Variants in NTM observed in about 807,000 individuals in gnomAD.
The protein encoded by NTM is IgLON family member 2.
Under a neutral mutation model 42.1 loss-of-function variants are expected in NTM, and 13 were observed. The observed-to-expected ratio is 0.31, with a 90% CI of 0.20 to 0.49. The LOEUF (loss-of-function observed/expected upper bound fraction) is 0.49, where lower values mean the gene tolerates loss of function less well. NTM is among the 20% of genes least tolerant of loss of function. The pLI is 0.99. For synonymous variants in NTM, 187 were observed against 179.2 expected, an observed-to-expected ratio of 1.04 and a Z score of -0.35; for missense variants, 373 against 452.8, an observed-to-expected ratio of 0.82 and a Z score of 1.60.
chr11:132,203,253 A>G (rs1440302828), intron 3 of NTM, among the ~76,000 whole-genome samples: 5 of 152,062 alleles, frequency 3.3e-5, no homozygotes, highest in South Asian at 2.1e-4. Context: ...AAAAATCTCT[A>G]TTTCTCTTCG....
At chr11:132,256,810 C>A (rs1025957299) in intron 4 of NTM, among the ~76,000 whole-genome samples, 2 of 152,310 alleles carry the variant, frequency 1.3e-5, no homozygotes, top group Middle Eastern at 6.8e-3. Flanking sequence ...GCGATTCCAG[C>A]CGCAGGAGAG....
At chr11:131,509,082 C>G (rs995697136) in intron 1 of NTM, among the ~76,000 whole-genome samples, 3 of 152,138 alleles carry the variant, frequency 2.0e-5, no homozygotes, top group Non-Finnish European at 2.9e-5. Flanking sequence ...AGTTAATACT[C>G]AACCCCAAAA....
chr11:132,224,050 A>G (rs2085691255), intron 4 of NTM, among the ~76,000 whole-genome samples: 1 of 152,246 alleles, frequency 6.6e-6, no homozygotes, highest in African/African-American at 2.4e-5. Context: ...GAGAGGGCGG[A>G]GCAACATTGC....
At chr11:131,642,339 A>T (rs1361212459) in intron 1 of NTM, among the ~76,000 whole-genome samples, 4 of 152,212 alleles carry the variant, frequency 2.6e-5, no homozygotes. Flanking sequence ...TGGAAACTGG[A>T]GAGAGATCCA....
chr11:132,030,324 C>T (rs533975435), intron 2 of NTM, among the ~76,000 whole-genome samples: 3 of 152,274 alleles, frequency 2.0e-5, no homozygotes, highest in South Asian at 2.1e-4. Context: ...AAAATCATCT[C>T]GTATATCACT....
intron 1 of NTM, among the ~76,000 whole-genome samples, chr11:131,623,506 C>T (rs1177492048): frequency 6.6e-6 from 1 of 152,236 alleles, no homozygotes; most frequent in African/African-American, 2.4e-5. Context: ...AAAGTATTTC[C>T]ATTTTAAAAT....
In NTM at chr11:132,335,027, G is replaced by A. The variant is rs769488958; in HGVS notation, c.968-19G>A. The A allele has an allele frequency of 2.7e-5, 44 of 1,608,956 alleles. No homozygotes were observed. The highest frequency in any genetic ancestry group is 2.0e-4 in the Admixed American group (12 of 59,842). On this transcript the variant is annotated intron_variant, in intron 8 of 8. Coordinates refer to ENST00000683400, the MANE Select transcript of NTM (RefSeq NM_001352005.2). The stretch of plus-strand genomic sequence containing the variant: ...CATTTTCTCCCAGACCACTCACGGC[G>A]AGTGTGTTCTCTCCACAGGTCCAGG...
At chr11:132,076,653 G>A (rs951647822) in intron 2 of NTM, among the ~76,000 whole-genome samples, 21 of 152,276 alleles carry the variant, frequency 1.4e-4, no homozygotes, top group African/African-American at 4.6e-4. Flanking sequence ...TTTGTAGGGG[G>A]TAATATGGGA....
At chr11:131,598,705 T>TTC (rs2060054816) in intron 1 of NTM, among the ~76,000 whole-genome samples, 1 of 41,786 alleles carries the variant, frequency 2.4e-5, no homozygotes, top group Non-Finnish European at 7.0e-5. Context: ...CTTTCTTTCT[T>TTC]TCTTTCTTTC....
chr11:132,006,911 A>G (rs1024877359), intron 2 of NTM, among the ~76,000 whole-genome samples: 1 of 152,210 alleles, frequency 6.6e-6, no homozygotes, highest in Admixed American at 6.5e-5. Flanking sequence ...GGAGAAGAAC[A>G]TTGACTAGTG....
chr11:131,680,104 C>A (rs1185731098), intron 1 of NTM, among the ~76,000 whole-genome samples: 1 of 152,056 alleles, frequency 6.6e-6, no homozygotes, highest in Non-Finnish European at 1.5e-5. Flanking sequence ...AAGATGTGAA[C>A]CCAGACAAAG....
intron 1 of NTM, among the ~76,000 whole-genome samples, chr11:131,785,669 G>C (rs1324170606): frequency 6.6e-6 from 1 of 152,190 alleles, no homozygotes; most frequent in Admixed American, 6.5e-5. Context: ...CAAAGACACT[G>C]TTCTTGTACC....
At chr11:131,729,299 T>C (rs369108824) in intron 1 of NTM, among the ~76,000 whole-genome samples, 2 of 152,160 alleles carry the variant, frequency 1.3e-5, no homozygotes, top group African/African-American at 4.8e-5. Flanking sequence ...TGAGAAATAT[T>C]GGTACAGTGC....
At chr11:132,322,369 G>T (rs1247728489) in intron 7 of NTM, among the ~76,000 whole-genome samples, 8 of 148,742 alleles carry the variant, frequency 5.4e-5, no homozygotes, top group African/African-American at 1.7e-4. Context: ...AAAAGGCAGG[G>T]GTTGCAATCC....
chr11:131,721,577 C>A (rs764647267), intron 1 of NTM, among the ~76,000 whole-genome samples: 1 of 152,078 alleles, frequency 6.6e-6, no homozygotes, highest in African/African-American at 2.4e-5. Context: ...TTGAGCTCCA[C>A]GTCCATCTAC....
intron 1 of NTM, among the ~76,000 whole-genome samples, chr11:131,477,997 G>A (rs1166081997): frequency 6.6e-6 from 1 of 152,094 alleles, no homozygotes; most frequent in Non-Finnish European, 1.5e-5. Context: ...CGCTGCACTA[G>A]AGACCCAAAG....
chr11:131,921,254 AGT>A (rs1357508882), intron 2 of NTM, among the ~76,000 whole-genome samples: 2 of 152,228 alleles, frequency 1.3e-5, no homozygotes, highest in African/African-American at 4.8e-5. Flanking sequence ...ACTAGAGTAG[AGT>A]GTGCCTCTAA....
At chr11:131,752,003 C>T (rs970390662) in intron 1 of NTM, among the ~76,000 whole-genome samples, 1 of 152,064 alleles carries the variant, frequency 6.6e-6, no homozygotes, top group African/African-American at 2.4e-5. Context: ...ACGTAATTTT[C>T]CAGAATATTT....
At chr11:132,041,646 C>T (rs480629) in intron 2 of NTM, among the ~76,000 whole-genome samples, 135,611 of 152,250 alleles carry the variant, frequency 0.89, 60,560 homozygotes, top group East Asian at 1. Context: ...TCTCTCTCCA[C>T]GGTAAATGGG....
Sources: gnomAD v4.1 joint callset for allele counts (sites outside exome capture counted in the v4.1 genomes callset) on GRCh38, gnomAD v4.1.1 for gene constraint, MANE v1.5 for transcripts, NCBI Gene and HGNC (gene_info 2026-07-23, HGNC 2026-07-21) for gene names.